OR8J1: variants seen among roughly 807,000 people sequenced by gnomAD.
OR8J1 encodes the protein olfactory receptor 8J1.
For missense variants in OR8J1, 400 were observed against 373.0 expected (o/e 1.07, Z -0.60); for synonymous variants, 157 against 144.3 (o/e 1.09, Z -0.63).
At chr11:56,355,416 A>G (rs1854955695) in intron 1 of OR8J1, among the ~76,000 whole-genome samples, 1 of 151,952 alleles carries the variant, frequency 6.6e-6, no homozygotes, top group Non-Finnish European at 1.5e-5. Flanking sequence ...CGGGTGCATT[A>G]CCTGAGGTCA....
intron 1 of OR8J1, chr11:56,357,708 G>C: frequency 6.3e-7 from 1 of 1,584,976 alleles, no homozygotes; most frequent in Non-Finnish European, 8.6e-7. Flanking sequence ...GACTAGTGAT[G>C]AATACAATGT....
chr11:56,357,512 G>C, intron 1 of OR8J1: 1 of 849,088 alleles, frequency 1.2e-6, no homozygotes, highest in Non-Finnish European at 2.0e-6. Context: ...TCATTTGTCA[G>C]ATTGCTTATG....
At chr11:56,357,701 T>C (rs1854988980) in intron 1 of OR8J1, 1 of 1,584,622 alleles carries the variant, frequency 6.3e-7, no homozygotes, top group Non-Finnish European at 8.6e-7. Flanking sequence ...TGGAGGCGAC[T>C]AGTGATGAAT....
At chr11:56,359,344 G>A (rs1852602033) in intron 1 of OR8J1, among the ~76,000 whole-genome samples, 1 of 151,598 alleles carries the variant, frequency 6.6e-6, no homozygotes, top group South Asian at 2.1e-4. Flanking sequence ...TCATTACAGT[G>A]ATAAAAATAT....
intron 1 of OR8J1, among the ~76,000 whole-genome samples, chr11:56,355,815 A>G (rs993152380): frequency 3.3e-5 from 5 of 152,198 alleles, no homozygotes; most frequent in African/African-American, 1.2e-4. Context: ...CTACAAAATT[A>G]AAGTTAATTA....
At chr11:56,357,755 C>T (rs1169490468) in intron 1 of OR8J1, 5 of 1,525,500 alleles carry the variant, frequency 3.3e-6, no homozygotes, top group Non-Finnish European at 4.5e-6. Flanking sequence ...CCTTTACCTG[C>T]TATTTGGGTG....
Position 56,360,664 on chromosome 11 carries a change from C to T in OR8J1, c.418C>T (p.Leu140Phe). 6.2e-7 allele frequency: 1 copy of T among 1,611,644 alleles called. No individual in the cohort carries two copies. Among genetic ancestry groups the T allele is most frequent in the Non-Finnish European group, 8.5e-7 (1 of 1,179,110 alleles). The change falls in exon 2 of 2, where the codon CTC becomes TTC. Residue 140 changes from leucine to phenylalanine, a missense_variant. Coordinates refer to ENST00000533152, the MANE Select transcript of OR8J1 (RefSeq NM_001005205.3). ...GTACATGGTGGTGGTGTCTCGGCGG[C>T]TCTGCCTCCTGCTGGTCTCCCTCAC... ...LLYMVVVSRR[L>F]CLLLVSLTYL...
At chr11:56,355,430 AT>A (rs1854955837) in intron 1 of OR8J1, among the ~76,000 whole-genome samples, 1 of 151,894 alleles carries the variant, frequency 6.6e-6, no homozygotes, top group South Asian at 2.1e-4. Context: ...GAGGTCAGGA[AT>A]TTGAGACCAA....
At chr11:56,356,970 T>C (rs1280686812) in intron 1 of OR8J1, among the ~76,000 whole-genome samples, 4 of 152,140 alleles carry the variant, frequency 2.6e-5, no homozygotes, top group Non-Finnish European at 4.4e-5. Flanking sequence ...ATATATAAGT[T>C]ATATAACTTA....
chr11:56,357,173 C>T (rs747925660), intron 1 of OR8J1, among the ~76,000 whole-genome samples: 8 of 152,084 alleles, frequency 5.3e-5, no homozygotes, highest in Admixed American at 1.3e-4. Flanking sequence ...TTTTTCAATC[C>T]TATAATTCAT....
At chr11:56,359,828 A>G (rs1367025524) in intron 1 of OR8J1, among the ~76,000 whole-genome samples, 1 of 152,202 alleles carries the variant, frequency 6.6e-6, no homozygotes, top group East Asian at 1.9e-4. Flanking sequence ...AGAAAAAGCA[A>G]GAAGTCTCAA....
intron 1 of OR8J1, among the ~76,000 whole-genome samples, chr11:56,357,075 C>T (rs190807051): frequency 1.3e-5 from 2 of 152,186 alleles, no homozygotes; most frequent in Admixed American, 6.5e-5. Flanking sequence ...CTGAAGCCCA[C>T]GTTATCTTAT....
chr11:56,359,041 C>T (rs369342883), intron 1 of OR8J1, among the ~76,000 whole-genome samples: 20 of 151,622 alleles, frequency 1.3e-4, no homozygotes, highest in South Asian at 6.2e-4. Flanking sequence ...ATTTAAACAA[C>T]GCTGGGATTT....
chr11:56,360,238 A>G lies in OR8J1; in HGVS notation c.-9A>G. The G allele has an allele frequency of 1.3e-6, 2 of 1,549,972 alleles. No homozygotes were observed. Among genetic ancestry groups the G allele is most frequent in the East Asian group, 2.2e-5 (1 of 44,464 alleles). On this transcript the variant is annotated 5_prime_UTR_variant, in exon 2 of 2. Coordinates refer to ENST00000533152, the MANE Select transcript of OR8J1 (RefSeq NM_001005205.3). Reference sequence around the variant, plus strand: ...TTTCCCCCAAACAGATGAATTTCCAAACTCTGACATGGCTCCTGAAAATTT... The same window carrying G: ...TTTCCCCCAAACAGATGAATTTCCAGACTCTGACATGGCTCCTGAAAATTT...
At chr11:56,355,697 AAAAC>A (rs1270210311) in intron 1 of OR8J1, among the ~76,000 whole-genome samples, 3 of 152,288 alleles carry the variant, frequency 2.0e-5, no homozygotes, top group African/African-American at 4.8e-5. Flanking sequence ...CCATCTCAAA[AAAAC>A]AAACAAACAA....
At position 56,360,448 on chromosome 11, in the gene OR8J1, C is replaced by G. The variant is rs138236285; in HGVS notation, c.202C>G (p.Leu68Val). 5.5e-5 allele frequency: 88 copies of G among 1,614,014 alleles called. 1 individual carries two copies. The highest frequency in any genetic ancestry group is 1.6e-4 in the Middle Eastern group (1 of 6,082). Reference sequence around the variant, plus strand: ...GTACTTTTTCCTGCAACATCTGGCTCTCATTAATCTTGGTAACTCTACTGT... The same window carrying G: ...GTACTTTTTCCTGCAACATCTGGCTGTCATTAATCTTGGTAACTCTACTGT... Reference protein sequence around the residue: ...PMYFFLQHLALINLGNSTVIA... With the variant: ...PMYFFLQHLAVINLGNSTVIA... The change falls in exon 2 of 2, where the codon CTC (leucine) becomes GTC (valine). Residue 68 changes from leucine (L) to valine (V), a missense_variant. Leu to Val is a conservative substitution (Grantham distance 32). Transcript: ENST00000533152.
rs888835355 is a variant in OR8J1 at position 56,361,201 on chromosome 11, T to A, written c.*4T>A. The A allele has an allele frequency of 1.8e-5, 22 of 1,202,424 alleles. No individual in the cohort carries two copies. Among genetic ancestry groups the A allele is most frequent in the Non-Finnish European group, 2.1e-5 (19 of 914,036 alleles). 74.5% of individuals were successfully genotyped at this position (1,202,424 alleles called of 1,614,324 possible). ...CTATTCCTTTAAAACAATGTAATTT[T>A]AAACAGTACAGGTAAATGAGGAGAG... On this transcript the variant is annotated 3_prime_UTR_variant, in exon 2 of 2. Coordinates refer to ENST00000533152, the MANE Select transcript of OR8J1 (RefSeq NM_001005205.3).
Position 56,360,895 on chromosome 11 carries a change from T to A in OR8J1, c.649T>A (p.Ser217Thr). 1 of 1,498,298 alleles carries A rather than the reference T, an allele frequency of 6.7e-7. No individual in the cohort carries two copies. Among genetic ancestry groups the A allele is most frequent in the African/African-American group, 1.4e-5 (1 of 70,634 alleles). 92.8% of individuals were successfully genotyped at this position (1,498,298 alleles called of 1,614,324 possible). ...VVGSLIIVLV[S>T]YFNIVLSILK... Reference sequence around the variant, plus strand: ...TGGTTCCTTGATTATAGTTCTAGTATCTTATTTCAATATTGTTTTGTCTAT... The same window carrying A: ...TGGTTCCTTGATTATAGTTCTAGTAACTTATTTCAATATTGTTTTGTCTAT... Residue 217 changes from serine to threonine, a missense_variant, in exon 2 of 2, where the codon TCT (serine) becomes ACT (threonine). Ser to Thr is a moderately conservative substitution (Grantham distance 58). Transcript: ENST00000533152.
At position 56,360,563 on chromosome 11, in the gene OR8J1, T is replaced by G; in HGVS notation, c.317T>G (p.Phe106Cys). Reference sequence around the variant, plus strand: ...GCCACCCAACTGGGAGGGTTCTTGTTCTTTATTGTATCGGAGGTAATCATG... The same window carrying G: ...GCCACCCAACTGGGAGGGTTCTTGTGCTTTATTGTATCGGAGGTAATCATG... ...ECATQLGGFL[F>C]FIVSEVIMLA... is the part of the protein sequence containing the mutation. The change falls in exon 2 of 2, where the codon TTC (phenylalanine) becomes TGC (cysteine). Residue 106 changes from phenylalanine (F) to cysteine (C), a missense_variant. Coordinates refer to ENST00000533152, the MANE Select transcript of OR8J1 (RefSeq NM_001005205.3). 6.2e-7 allele frequency: 1 copy of G among 1,614,114 alleles called. No homozygotes were observed. The highest frequency in any genetic ancestry group is 8.5e-7 in the Non-Finnish European group (1 of 1,180,010).
Sources: allele counts gnomAD v4.1 joint callset (sites outside exome capture counted in the v4.1 genomes callset), GRCh38; gene constraint gnomAD v4.1.1; transcripts MANE v1.5; gene names NCBI Gene and HGNC (gene_info 2026-07-23, HGNC 2026-07-21).